Variants in CCDC171 observed in about 807,000 individuals in gnomAD.
The protein encoded by CCDC171 is coiled-coil domain-containing protein 171.
In CCDC171, 177 loss-of-function variants were observed where a neutral mutation model predicts 168.2. The ratio of observed to expected loss-of-function variants is 1.05; its 90% CI spans 0.93 to 1.19. The LOEUF (loss-of-function observed/expected upper bound fraction) is 1.19. Ranked by LOEUF, CCDC171 falls within the 50% of genes most tolerant of loss-of-function variation. The pLI is 0.00. For synonymous variants in CCDC171, 687 were observed against 540.8 expected (o/e 1.27, Z -3.75); for missense variants, 1,991 against 1,539.0 (o/e 1.29, Z -4.91).
chr9:15,844,092 A>C lies in CCDC171; in HGVS notation c.3268-2610A>C, dbSNP rs1317015682. On this transcript the variant is annotated intron_variant, in intron 21 of 25. Coordinates refer to ENST00000380701, the MANE Select transcript of CCDC171 (RefSeq NM_173550.4). ...TTGGATATCAGAACATCACACTTTC[A>C]CAATCTACCCTGGTTGAGAAATTAG... Among the ~76,000 whole-genome samples, 4 of 152,190 alleles carry C rather than the reference A, an allele frequency of 2.6e-5. No individual in the cohort carries two copies. In the East Asian group the frequency reaches 5.8e-4, roughly 22 times the overall value.
intron 1 of CCDC171, among the ~76,000 whole-genome samples, chr9:16,058,271 A>G (rs1327845096): frequency 6.6e-6 from 1 of 151,762 alleles, no homozygotes; most frequent in African/African-American, 2.4e-5. Context: ...GGCCCCATTC[A>G]TCTTTCTTTC....
chr9:15,558,038 G>A (rs143099992), intron 1 of CCDC171, among the ~76,000 whole-genome samples: 3,955 of 152,044 alleles, frequency 0.026, 175 homozygotes, highest in African/African-American at 0.09. Context: ...GATGGATTAC[G>A]TTTATTGATT....
In CCDC171 at chr9:15,569,309, C is replaced by T. The variant is rs535251162; in HGVS notation, c.42-2315C>T. On this transcript the variant is annotated intron_variant, in intron 2 of 25. Transcript: ENST00000380701. ...GGTTTGAATTTCAGCTCTGCCTCTC[C>T]CTCACTAGCCCTGTGAACTTGGGTA... Among the ~76,000 whole-genome samples the T allele has an allele frequency of 6.4e-4, 98 of 152,268 alleles. 1 individual carries two copies. Among genetic ancestry groups the T allele is most frequent in the African/African-American group, 2.2e-3 (93 of 41,544 alleles).
At chr9:15,634,306 A>T (rs1433940430) in intron 7 of CCDC171, among the ~76,000 whole-genome samples, 1 of 152,190 alleles carries the variant, frequency 6.6e-6, no homozygotes, top group Non-Finnish European at 1.5e-5. Flanking sequence ...ATTTTTAAAC[A>T]TTACAATCTA....
intron 7 of CCDC171, among the ~76,000 whole-genome samples, chr9:15,653,513 G>T (rs1404340659): frequency 6.6e-6 from 1 of 151,814 alleles, no homozygotes; most frequent in Non-Finnish European, 1.5e-5. Context: ...CTTTGCTTTT[G>T]TTGTTTAAAA....
intron 15 of CCDC171, among the ~76,000 whole-genome samples, chr9:15,728,685 A>G (rs1481248725): frequency 6.6e-6 from 1 of 152,138 alleles, no homozygotes; most frequent in Non-Finnish European, 1.5e-5. Flanking sequence ...ATAGAAAATT[A>G]CAGTGGCTTA....
downstream of CCDC171, among the ~76,000 whole-genome samples, chr9:16,063,356 C>G (rs150512067): frequency 1.8e-3 from 275 of 152,252 alleles, 1 homozygote; most frequent in African/African-American, 6.5e-3. Flanking sequence ...GATGGGATAA[C>G]TCTCTGGCTC....
intron 3 of CCDC171, among the ~76,000 whole-genome samples, chr9:16,004,264 T>C (rs557756031): frequency 6.6e-6 from 1 of 152,266 alleles, no homozygotes; most frequent in South Asian, 2.1e-4. Context: ...GACACTCTCC[T>C]GGATGAAATG....
intron 6 of CCDC171, among the ~76,000 whole-genome samples, chr9:15,610,712 C>T (rs949954923): frequency 1.1e-4 from 16 of 152,006 alleles, no homozygotes; most frequent in African/African-American, 2.7e-4. Context: ...TGTGCACGAC[C>T]ATACCTGGCT....
chr9:15,801,822 A>G (rs1436803420), intron 21 of CCDC171, among the ~76,000 whole-genome samples: 1 of 151,962 alleles, frequency 6.6e-6, no homozygotes, highest in Non-Finnish European at 1.5e-5. Context: ...GCTTTTTTAA[A>G]ATCATGAAGG....
chr9:15,616,556 G>T (rs1219373101), intron 6 of CCDC171, among the ~76,000 whole-genome samples: 1 of 151,838 alleles, frequency 6.6e-6, no homozygotes, highest in African/African-American at 2.4e-5. Flanking sequence ...TTGGTTTATG[G>T]TTAACCATGT....
chr9:16,081,114 C>T, the CCDC171 span, among the ~76,000 whole-genome samples: 2 of 152,298 alleles, frequency 1.3e-5, no homozygotes, highest in East Asian at 1.9e-4. Flanking sequence ...TCAGACACGC[C>T]ATCAGAGCCA....
In CCDC171 at chr9:15,724,832, A is replaced by C; in HGVS notation, c.1548A>C (p.Lys516Asn). The change falls in exon 14 of 26, where the codon AAA (lysine) becomes AAC (asparagine). Residue 516 changes from lysine to asparagine, a missense_variant. Transcript: ENST00000380701. ...VNKELSHLHT[K>N]CADREALIST... ...AAGAGTTAAGTCATTTACACACTAA[A>C]TGTGCAGACCGAGAGGCTTTAATAA... 6.2e-7 allele frequency: 1 copy of C among 1,613,870 alleles called. No homozygotes were observed. The highest frequency in any genetic ancestry group is 8.5e-7 in the Non-Finnish European group (1 of 1,179,808).
At chr9:15,583,081 C>T (rs957479098) in intron 4 of CCDC171, among the ~76,000 whole-genome samples, 2 of 152,052 alleles carry the variant, frequency 1.3e-5, no homozygotes, top group East Asian at 1.9e-4. Flanking sequence ...GCAAAAATAT[C>T]GAACCAGCCT....
chr9:15,939,129 G>A (rs1232829695), intron 25 of CCDC171, among the ~76,000 whole-genome samples: 1 of 150,208 alleles, frequency 6.7e-6, no homozygotes, highest in Non-Finnish European at 1.5e-5. Flanking sequence ...CCAAGAAGGA[G>A]TTTTGAAGAA....
chr9:15,669,957 A>T (rs1412491285), intron 9 of CCDC171, among the ~76,000 whole-genome samples: 29 of 150,486 alleles, frequency 1.9e-4, no homozygotes, highest in Non-Finnish European at 3.3e-4. Context: ...AGTCTTAAAA[A>T]AAAAAAAAAA....
chr9:15,624,300 C>A (rs1404779606), intron 7 of CCDC171, among the ~76,000 whole-genome samples: 1 of 151,818 alleles, frequency 6.6e-6, no homozygotes, highest in Non-Finnish European at 1.5e-5. Flanking sequence ...TAATATATGA[C>A]AATTTTTTAA....
chr9:15,723,612 A>G lies in CCDC171; in HGVS notation c.1426-69A>G, dbSNP rs1433946805. The G allele has an allele frequency of 5.4e-6, 6 of 1,105,032 alleles. No individual in the cohort carries two copies. The East Asian group carries it at 7.4e-5, about 14-fold the overall frequency. 68.5% of individuals were successfully genotyped at this position (1,105,032 alleles called of 1,614,324 possible). The stretch of plus-strand genomic sequence containing the variant: ...TTAAAGATTAACTTTTGAGTTACCC[A>G]TCCTTGAAAAATGTAAAAAAGTTAC... On this transcript the variant is annotated intron_variant, in intron 12 of 25. Transcript: ENST00000380701.
intron 24 of CCDC171, among the ~76,000 whole-genome samples, chr9:15,919,677 G>A (rs1178250426): frequency 6.6e-6 from 1 of 151,480 alleles, no homozygotes; most frequent in African/African-American, 2.4e-5. Context: ...GGAGATAATA[G>A]GTTACCAGAA....
Sources: allele counts gnomAD v4.1 joint callset (sites outside exome capture counted in the v4.1 genomes callset), GRCh38; gene constraint gnomAD v4.1.1; transcripts MANE v1.5; gene names NCBI Gene and HGNC (gene_info 2026-07-23, HGNC 2026-07-21).